Variants in CUBN observed in about 807,000 individuals in gnomAD.
CUBN encodes the protein cubilin.
Under a neutral mutation model 405.3 loss-of-function variants are expected in CUBN, and 282 were observed. That is an observed-to-expected ratio of 0.70 (90% CI 0.63 to 0.77). The LOEUF is 0.77. Ranked by LOEUF, CUBN falls within the 30% of genes least tolerant of loss-of-function variation. CUBN has a pLI of 0.00. For synonymous variants in CUBN, 1,684 were observed against 1,617.0 expected (o/e 1.04, Z -0.99); for missense variants, 4,514 against 4,475.2 (o/e 1.01, Z -0.25).
chr10:16,956,315 T>A (rs1843063047), intron 31 of CUBN, among the ~76,000 whole-genome samples: 1 of 151,938 alleles, frequency 6.6e-6, no homozygotes. Flanking sequence ...TTATTTAATG[T>A]TCAAAATTTA....
intron 10 of CUBN, among the ~76,000 whole-genome samples, chr10:17,106,146 A>C (rs1294087971): frequency 6.6e-6 from 1 of 151,748 alleles, no homozygotes; most frequent in East Asian, 1.9e-4. Flanking sequence ...TTAGCCAGGC[A>C]TGGTGGCACA....
At chr10:16,926,541 G>T (rs776138417) in intron 41 of CUBN, among the ~76,000 whole-genome samples, 2 of 151,994 alleles carry the variant, frequency 1.3e-5, no homozygotes, top group African/African-American at 4.8e-5. Context: ...AAGGAGAGAT[G>T]ATAGGTGCAC....
intron 6 of CUBN, chr10:17,121,959 G>C (rs1837052544): frequency 6.6e-6 from 1 of 152,140 alleles, no homozygotes; most frequent in African/African-American, 2.4e-5. Flanking sequence ...AAACTATAAG[G>C]AAAGACACTG....
intron 7 of CUBN, among the ~76,000 whole-genome samples, 186 bp from the exon 8 acceptor site, chr10:17,114,375 A>T (rs935977723): frequency 8.5e-5 from 13 of 152,204 alleles, no homozygotes; most frequent in Admixed American, 6.5e-4. Flanking sequence ...AAAGGGAAAC[A>T]TCTTTATTTC....
intron 31 of CUBN, among the ~76,000 whole-genome samples, chr10:16,958,551 C>T (rs1431899587): frequency 6.6e-6 from 1 of 151,966 alleles, no homozygotes; most frequent in African/African-American, 2.4e-5. Context: ...TTCATGTGTC[C>T]CGGAATTCAA....
At chr10:17,056,028 G>T (rs1835387561) in intron 22 of CUBN, among the ~76,000 whole-genome samples, 1 of 152,006 alleles carries the variant, frequency 6.6e-6, no homozygotes, top group Non-Finnish European at 1.5e-5. Flanking sequence ...ATGAAATTAT[G>T]TAACATTAAG....
chr10:17,015,770 G>A (rs1834311063), intron 28 of CUBN, among the ~76,000 whole-genome samples: 1 of 152,166 alleles, frequency 6.6e-6, no homozygotes, highest in East Asian at 1.9e-4. Flanking sequence ...TAGTGGACAT[G>A]GACGAGGGGG....
chr10:16,975,413 A>G (rs1833061727), intron 31 of CUBN, among the ~76,000 whole-genome samples: 1 of 152,194 alleles, frequency 6.6e-6, no homozygotes, highest in Admixed American at 6.5e-5. Flanking sequence ...TGACCACAAG[A>G]GGGAAAATCC....
intron 51 of CUBN, among the ~76,000 whole-genome samples, chr10:16,901,911 A>ACACCATATATAG (rs1564412977): frequency 2.0e-4 from 26 of 131,752 alleles, no homozygotes; most frequent in African/African-American, 6.4e-4. Context: ...ATATATATAT[A>ACACCATATATAG]TATATATACA....
chr10:17,082,280 G>C (rs1564507955), intron 17 of CUBN, among the ~76,000 whole-genome samples: 1 of 152,176 alleles, frequency 6.6e-6, no homozygotes, highest in Non-Finnish European at 1.5e-5. Flanking sequence ...AGGTTATACG[G>C]TCATCTGACA....
chr10:17,087,961 G>A (rs1397114529), intron 15 of CUBN, among the ~76,000 whole-genome samples: 7 of 152,116 alleles, frequency 4.6e-5, no homozygotes, highest in African/African-American at 1.7e-4. Context: ...CTGTTTCCCA[G>A]ATTCAAATGG....
intron 40 of CUBN, among the ~76,000 whole-genome samples, chr10:16,931,275 A>C (rs1405036432): frequency 2.0e-5 from 3 of 152,144 alleles, no homozygotes; most frequent in Non-Finnish European, 2.9e-5. Flanking sequence ...AAAAAAAAAA[A>C]ACATCAAATT....
At chr10:17,126,410 C>T (rs951551461) in intron 4 of CUBN, among the ~76,000 whole-genome samples, 8 of 152,122 alleles carry the variant, frequency 5.3e-5, no homozygotes, top group African/African-American at 1.2e-4. Flanking sequence ...GCTTGCTTTC[C>T]GAGCCCCAGT....
At chr10:17,048,836 C>T (rs1390685323) in intron 22 of CUBN, among the ~76,000 whole-genome samples, 1 of 151,900 alleles carries the variant, frequency 6.6e-6, no homozygotes, top group African/African-American at 2.4e-5. Context: ...CTATATAATC[C>T]CCAAGCTCAG....
At chr10:17,056,269 T>C (rs533576233) in intron 22 of CUBN, among the ~76,000 whole-genome samples, 9 of 151,998 alleles carry the variant, frequency 5.9e-5, no homozygotes, top group Non-Finnish European at 8.8e-5. Flanking sequence ...TATAGAAAAA[T>C]TGATGCAAAA....
intron 27 of CUBN, among the ~76,000 whole-genome samples, chr10:17,031,269 T>A (rs1334861159): frequency 3.3e-5 from 5 of 152,234 alleles, no homozygotes; most frequent in African/African-American, 1.2e-4. Flanking sequence ...GCTCTCTATT[T>A]GTGAATTTCT....
In CUBN at chr10:17,068,685, T is replaced by G; in HGVS notation, c.2711A>C (p.Asn904Thr). ...DIPSFITSVY[N>T]FLYVTFVKSS... ...TTTCACGAATGTGACATAAAGAAAA[T>G]TGTACACAGATGTTATAAATGAAGG... Residue 904 changes from asparagine to threonine, a missense_variant, in exon 20 of 67, where the codon AAT becomes ACT. This residue lies in a region of CUBN where 1,448 missense variants were observed against 1,388.0 expected (regional missense o/e 1.04). Coordinates refer to ENST00000377833, the MANE Select transcript of CUBN (RefSeq NM_001081.4). The G allele has an allele frequency of 6.2e-7, 1 of 1,612,674 alleles. No individual in the cohort carries two copies.
intron 62 of CUBN, among the ~76,000 whole-genome samples, chr10:16,837,868 A>C (rs2131314972): frequency 6.6e-6 from 1 of 152,284 alleles, no homozygotes; most frequent in South Asian, 2.1e-4. Flanking sequence ...GTCTTACTCG[A>C]GGCTGCTCCA....
chr10:16,833,774 G>C (rs1298909379), intron 64 of CUBN, among the ~76,000 whole-genome samples: 1 of 152,216 alleles, frequency 6.6e-6, no homozygotes, highest in Non-Finnish European at 1.5e-5. Flanking sequence ...TCGTCCCACA[G>C]AATGAAAGGA....
Sources: gnomAD v4.1 joint callset for allele counts (sites outside exome capture counted in the v4.1 genomes callset) on GRCh38, gnomAD v4.1.1 for gene constraint, gnomAD v4.1.1 regional missense constraint, MANE v1.5 for transcripts, NCBI Gene and HGNC (gene_info 2026-07-23, HGNC 2026-07-21) for gene names.